The following TMTC4 variants were observed in gnomAD, a reference collection of about 807,000 sequenced individuals.
TMTC4 encodes the protein transmembrane O-mannosyltransferase targeting cadherins 4, also known as protein O-mannosyl-transferase TMTC4.
In TMTC4, 65 loss-of-function variants were observed where a neutral mutation model predicts 86.0. The observed-to-expected ratio is 0.76, with a 90% CI of 0.62 to 0.93. The LOEUF (loss-of-function observed/expected upper bound fraction) is 0.93. TMTC4 is among the 40% of genes least tolerant of loss of function. The pLI is 0.00. For synonymous variants in TMTC4, 379 were observed against 382.5 expected, an observed-to-expected ratio of 0.99 and a Z score of 0.11; for missense variants, 866 against 948.1, an observed-to-expected ratio of 0.91 and a Z score of 1.14.
rs1877479923 is a variant in TMTC4 at position 100,611,054 on chromosome 13, A to G, written c.2064+1344T>C. On this transcript the variant is annotated intron_variant, in intron 17 of 18. Transcript: ENST00000342624. ...ATTATAAAACTAGAGATATGCATGA[A>G]ATTATCTTACCATTGTTATTGAAAA... Among the ~76,000 whole-genome samples the G allele has an allele frequency of 1.3e-5, 2 of 152,378 alleles. 1 individual carries two copies. Among genetic ancestry groups the G allele is most frequent in the South Asian group, 4.1e-4 (2 of 4,832 alleles).
chr13:100,666,016 C>T lies in TMTC4; in HGVS notation c.220-1680G>A, dbSNP rs142005401. 700 of 456,628 alleles carry T rather than the reference C, an allele frequency of 1.5e-3. 7 individuals carry two copies. The highest frequency in any genetic ancestry group is 0.011 in the African/African-American group (563 of 50,176). The allele number at this position is 456,628 out of a possible 1,614,324, so 28.3% of individuals were successfully genotyped here. On this transcript the variant is annotated intron_variant, in intron 3 of 18. Coordinates refer to ENST00000342624, the MANE Select transcript of TMTC4 (RefSeq NM_032813.5). Reference sequence around the variant, plus strand: ...GTACCCGGTCAGCTGTGAAGGGCTTCGGCAGAGGATCTTTTCCTCCCTTTG... The same window carrying T: ...GTACCCGGTCAGCTGTGAAGGGCTTTGGCAGAGGATCTTTTCCTCCCTTTG...
rs933337021 is a variant in TMTC4 at position 100,636,795 on chromosome 13, C to T, written c.1000-61G>A. The T allele has an allele frequency of 5.3e-5, 82 of 1,556,918 alleles. 1 individual carries two copies. In the Admixed American group the frequency reaches 5.9e-4, roughly 11 times the overall value. On this transcript the variant is annotated intron_variant, in intron 9 of 18. Coordinates refer to ENST00000342624, the MANE Select transcript of TMTC4 (RefSeq NM_032813.5). ...ACTGAACTTAAAAAACACATATATA[C>T]GCACTAACTTCACTTTGGAGGCACT...
At chr13:100,658,391 G>C (rs1885364277) in intron 5 of TMTC4, among the ~76,000 whole-genome samples, 1 of 152,146 alleles carries the variant, frequency 6.6e-6, no homozygotes, top group Non-Finnish European at 1.5e-5. Flanking sequence ...GGACATGAGA[G>C]GAGACAGGAG....
chr13:100,641,557 G>A (rs984058486), intron 7 of TMTC4, among the ~76,000 whole-genome samples: 6 of 151,666 alleles, frequency 4.0e-5, no homozygotes, highest in Non-Finnish European at 2.9e-5. Flanking sequence ...GTGCAATCTC[G>A]GCTTACCGCC....
At chr13:100,623,370 T>A (rs943923712) in intron 15 of TMTC4, among the ~76,000 whole-genome samples, 2 of 152,214 alleles carry the variant, frequency 1.3e-5, no homozygotes, top group East Asian at 1.9e-4. Context: ...GCAGCTGGGA[T>A]TACAGGCACG....
At chr13:100,611,759 G>T (rs1877622568) in intron 17 of TMTC4, among the ~76,000 whole-genome samples, 1 of 152,132 alleles carries the variant, frequency 6.6e-6, no homozygotes, top group African/African-American at 2.4e-5. Context: ...CAACACACAG[G>T]GAGTTATGCA....
chr13:100,604,755 TG>T lies in TMTC4; in HGVS notation c.*238del. On this transcript the variant is annotated 3_prime_UTR_variant, in exon 19 of 19. Coordinates refer to ENST00000342624, the MANE Select transcript of TMTC4 (RefSeq NM_032813.5). ...TCTGTTTAATTAAAAAAGACATTTT[TG>T]GAATTTTAGAATTACATTTGAGTTG... is the stretch of plus-strand genomic sequence containing the variant. The T allele has an allele frequency of 2.6e-6, 1 of 378,460 alleles. No homozygotes were observed. The highest frequency in any genetic ancestry group is 2.1e-5 in the African/African-American group (1 of 47,652). 23.4% of individuals were successfully genotyped at this position (378,460 alleles called of 1,614,324 possible).
rs555245027 is a variant in TMTC4, at chr13:100,644,152, C to T, written c.641-1841G>A. Among the ~76,000 whole-genome samples the T allele has an allele frequency of 5.6e-5, 8 of 143,692 alleles. No homozygotes were observed. In the East Asian group the frequency reaches 1.3e-3, roughly 23 times the overall value. 94.3% of individuals were successfully genotyped at this position (143,692 alleles called of 152,430 possible). ...ACAGAGTCTCACTCTGTCGCCCAGG[C>T]TGGAGTGCAGTGGCACGATCTCGGG... On this transcript the variant is annotated intron_variant, in intron 6 of 18. Transcript: ENST00000342624.
At chr13:100,625,710 A>C in intron 14 of TMTC4, 34 bp from the exon 15 acceptor site, 1 of 1,611,408 alleles carries the variant, frequency 6.2e-7, no homozygotes, top group East Asian at 2.2e-5. Context: ...ATAAACAAGA[A>C]GATGAAAGGC....
intron 4 of TMTC4, among the ~76,000 whole-genome samples, chr13:100,663,586 C>T (rs1007019767): frequency 1.3e-5 from 2 of 152,146 alleles, no homozygotes; most frequent in African/African-American, 4.8e-5. Flanking sequence ...TGCTTATCCT[C>T]CAAAAAAGGG....
At chr13:100,634,978 C>T in intron 11 of TMTC4, 42 bp from the exon 12 acceptor site, 1 of 1,609,740 alleles carries the variant, frequency 6.2e-7, no homozygotes, top group South Asian at 1.1e-5. Flanking sequence ...CAGTGAGATG[C>T]ATCCGGTCAT....
chr13:100,662,964 A>G lies in TMTC4; in HGVS notation c.552T>C (p.Cys184=). The change falls in exon 5 of 19, where the codon TGT becomes TGC. Residue 184 remains cysteine (C), a splice_region_variant and synonymous_variant. Transcript: ENST00000342624. ...LFAVHPVHTE[C]VAGVVGRADL... ...GATGCCTCGGGCAGACGACACTTAC[A>G]CACTCGGTGTGCACAGGATGGACAG... is the stretch of plus-strand genomic sequence containing the variant. 2 of 1,613,566 alleles carry G rather than the reference A, an allele frequency of 1.2e-6. No homozygotes were observed. Among genetic ancestry groups the G allele is most frequent in the Non-Finnish European group, 1.7e-6 (2 of 1,179,968 alleles).
chr13:100,617,719 A>T (rs1272788884), intron 15 of TMTC4, among the ~76,000 whole-genome samples: 4 of 152,138 alleles, frequency 2.6e-5, no homozygotes. Flanking sequence ...CCAGTACCAT[A>T]CTGTTTTGGT....
intron 4 of TMTC4, 44 bp from the exon 5 acceptor site, chr13:100,663,224 C>A (rs370785840): frequency 4.4e-6 from 7 of 1,581,334 alleles, no homozygotes; most frequent in South Asian, 1.1e-5. Flanking sequence ...CAGCGGCATG[C>A]GGCAAGAAAT....
At chr13:100,664,945 G>C (rs1174688912) in intron 3 of TMTC4, among the ~76,000 whole-genome samples, 1 of 152,130 alleles carries the variant, frequency 6.6e-6, no homozygotes, top group Non-Finnish European at 1.5e-5. Context: ...AGCTAAATAA[G>C]ATCACTATTA....
chr13:100,625,455 G>T, intron 15 of TMTC4, 80 bp downstream of exon 15: 1 of 1,546,416 alleles, frequency 6.5e-7, no homozygotes, highest in Non-Finnish European at 8.8e-7. Context: ...GGGCTAGGTG[G>T]GTGTCACTAT....
At chr13:100,640,323 G>A (rs1047598348) in intron 7 of TMTC4, among the ~76,000 whole-genome samples, 1 of 151,950 alleles carries the variant, frequency 6.6e-6, no homozygotes, top group Non-Finnish European at 1.5e-5. Flanking sequence ...ACTGTCTGCT[G>A]TAAAACATTA....
At chr13:100,635,336 A>G (rs1882070230) in intron 10 of TMTC4, 141 bp from the exon 11 acceptor site, 2 of 960,566 alleles carry the variant, frequency 2.1e-6, no homozygotes, top group African/African-American at 3.3e-5. Flanking sequence ...CAGCCAAAGG[A>G]TATCATCAGT....
chr13:100,648,441 C>A (rs1884019445), intron 6 of TMTC4, among the ~76,000 whole-genome samples: 2 of 152,114 alleles, frequency 1.3e-5, no homozygotes, highest in African/African-American at 4.8e-5. Flanking sequence ...TCATCTGTTT[C>A]TTTTTATAAC....
Sources: gnomAD v4.1 joint callset for allele counts (sites outside exome capture counted in the v4.1 genomes callset) on GRCh38, gnomAD v4.1.1 for gene constraint, MANE v1.5 for transcripts, NCBI Gene and HGNC (gene_info 2026-07-23, HGNC 2026-07-21) for gene names.